The following CPNE4 variants were observed in gnomAD, a reference collection of about 807,000 sequenced individuals.
CPNE4 encodes the protein copine 4.
A neutral mutation model predicts 67.9 loss-of-function variants in CPNE4; 25 were observed. The observed-to-expected ratio is 0.37, with a 90% CI of 0.27 to 0.51. The LOEUF (loss-of-function observed/expected upper bound fraction) is 0.51, where lower values mean the gene tolerates loss of function less well. Among genes scored for constraint, CPNE4 ranks in the 20% least tolerant of loss-of-function variants. The pLI, the probability that CPNE4 is intolerant of heterozygous loss-of-function variation, is 0.93. For synonymous variants in CPNE4, 242 were observed against 244.9 expected (o/e 0.99, Z 0.11); for missense variants, 464 against 690.8 (o/e 0.67, Z 3.68).
At chr3:131,739,252 C>A (rs1445764307) in intron 2 of CPNE4, among the ~76,000 whole-genome samples, 1 of 152,108 alleles carries the variant, frequency 6.6e-6, no homozygotes, top group Non-Finnish European at 1.5e-5. Flanking sequence ...CACACTGGGC[C>A]ATTCCCCTGC....
intron 7 of CPNE4, among the ~76,000 whole-genome samples, chr3:131,642,477 T>C (rs79636077): frequency 0.018 from 2,667 of 152,330 alleles, 52 homozygotes; most frequent in East Asian, 0.062. Flanking sequence ...GGTAAAATAA[T>C]AGACTTAAAA....
intron 2 of CPNE4, among the ~76,000 whole-genome samples, chr3:131,736,453 C>T (rs1438166934): frequency 3.3e-5 from 5 of 151,524 alleles, no homozygotes; most frequent in Admixed American, 2.6e-4. Flanking sequence ...AACCTCGTCT[C>T]TACTAAAAAT....
At chr3:131,880,185 GGCT>G (rs2087618306) in intron 2 of CPNE4, among the ~76,000 whole-genome samples, 1 of 148,276 alleles carries the variant, frequency 6.7e-6, no homozygotes, top group Non-Finnish European at 1.5e-5. Flanking sequence ...GCAGTGCAGT[GGCT>G]CACTGCAAGC....
At chr3:131,661,805 A>G (rs1296300121) in intron 7 of CPNE4, among the ~76,000 whole-genome samples, 2 of 152,104 alleles carry the variant, frequency 1.3e-5, no homozygotes, top group African/African-American at 4.8e-5. Context: ...GGACGGTGAA[A>G]TTGCTTTCAG....
At chr3:131,558,324 T>G (rs1286762070) in intron 11 of CPNE4, among the ~76,000 whole-genome samples, 2 of 152,000 alleles carry the variant, frequency 1.3e-5, no homozygotes, top group Non-Finnish European at 2.9e-5. Context: ...ATGCAAGAAG[T>G]AAAAGAAAGC....
At chr3:131,727,250 G>A (rs564907829) in intron 2 of CPNE4, among the ~76,000 whole-genome samples, 1 of 152,234 alleles carries the variant, frequency 6.6e-6, no homozygotes, top group Admixed American at 6.5e-5. Flanking sequence ...ATGGTGTGAT[G>A]GTGAGAGACT....
intron 5 of CPNE4, among the ~76,000 whole-genome samples, chr3:131,695,027 T>C (rs761837950): frequency 4.6e-5 from 7 of 152,210 alleles, no homozygotes; most frequent in Non-Finnish European, 8.8e-5. Flanking sequence ...TCATCATACC[T>C]TGCTGAGCCC....
chr3:131,961,219 A>G lies in CPNE4; in HGVS notation c.-1-55775T>C, dbSNP rs369583659. ...TTATTTAGAGTAACTCCCTCATAGA[A>G]TGAGTTTTTTTCCTTAAGAAATCAT... On this transcript the variant is annotated intron_variant, in intron 1 of 15. Coordinates refer to ENST00000429747, the MANE Select transcript of CPNE4 (RefSeq NM_130808.3). 1.2e-4 allele frequency among the ~76,000 whole-genome samples: 18 copies of G among 151,958 alleles called. No individual in the cohort carries two copies. The East Asian group carries it at 2.7e-3, about 23-fold the overall frequency.
chr3:131,839,325 A>G (rs1229141742), intron 2 of CPNE4, among the ~76,000 whole-genome samples: 6 of 151,922 alleles, frequency 3.9e-5, no homozygotes, highest in Non-Finnish European at 7.4e-5. Context: ...GGTAATCTAT[A>G]AAGATAATAT....
rs147016419 is a variant in CPNE4, at chr3:131,813,972, A to G, written c.181-90347T>C. Reference sequence around the variant, plus strand: ...TGTTACCTCTTCTGGACTGATTTCTATCTGACTGACACACGGCAAGGGTCT... The same window carrying G: ...TGTTACCTCTTCTGGACTGATTTCTGTCTGACTGACACACGGCAAGGGTCT... On this transcript the variant is annotated intron_variant, in intron 2 of 15. Transcript: ENST00000429747. Among the ~76,000 whole-genome samples the G allele has an allele frequency of 3.6e-3, 555 of 152,314 alleles. 5 individuals are homozygous for G. Among genetic ancestry groups the G allele is most frequent in the African/African-American group, 0.013 (520 of 41,566 alleles).
At chr3:131,618,405 T>C (rs780905156) in intron 7 of CPNE4, among the ~76,000 whole-genome samples, 19 of 152,176 alleles carry the variant, frequency 1.2e-4, no homozygotes, top group Admixed American at 3.3e-4. Flanking sequence ...GGGGAGAATA[T>C]TACAAATCTA....
intron 7 of CPNE4, among the ~76,000 whole-genome samples, chr3:131,613,961 T>C (rs369410376): frequency 1.3e-5 from 2 of 152,130 alleles, no homozygotes; most frequent in Admixed American, 6.5e-5. Flanking sequence ...TAAACTTAAT[T>C]AAGAGTTTGG....
At chr3:131,850,816 T>C (rs1403601019) in intron 2 of CPNE4, among the ~76,000 whole-genome samples, 1 of 151,984 alleles carries the variant, frequency 6.6e-6, no homozygotes, top group Non-Finnish European at 1.5e-5. Context: ...TTTTGTAGAG[T>C]GGTTAACCAG....
chr3:131,566,307 A>G (rs1937054726), intron 10 of CPNE4, among the ~76,000 whole-genome samples: 1 of 151,870 alleles, frequency 6.6e-6, no homozygotes, highest in South Asian at 2.1e-4. Context: ...GTGTGTATGT[A>G]TGTTTGCACA....
At chr3:131,784,862 A>G (rs73220502) in intron 2 of CPNE4, among the ~76,000 whole-genome samples, 8,046 of 152,208 alleles carry the variant, frequency 0.053, 306 homozygotes, top group South Asian at 0.13. Context: ...AAGTTAATTA[A>G]AAAATGGAAT....
At chr3:131,826,045 A>T (rs1023871687) in intron 2 of CPNE4, among the ~76,000 whole-genome samples, 8 of 152,210 alleles carry the variant, frequency 5.3e-5, no homozygotes, top group Non-Finnish European at 1.0e-4. Flanking sequence ...CTTTAAGCTA[A>T]CATTCTTTCC....
Position 131,574,586 on chromosome 3 carries a change from C to G in CPNE4, c.927+485G>C, listed in dbSNP as rs1392722065. On this transcript the variant is annotated intron_variant, in intron 10 of 15. Transcript: ENST00000429747. ...TGGTTCTCCAATCTTTGGAATTCAT[C>G]TTTTCATTGCCTAATGAACTGTTTG... Among the ~76,000 whole-genome samples, 3 of 152,142 alleles carry G rather than the reference C, an allele frequency of 2.0e-5. No individual in the cohort carries two copies. The East Asian group carries it at 5.8e-4, about 29-fold the overall frequency.
At chr3:131,704,863 A>G (rs1427008650) in intron 3 of CPNE4, among the ~76,000 whole-genome samples, 1 of 150,790 alleles carries the variant, frequency 6.6e-6, no homozygotes, top group East Asian at 2.0e-4. Context: ...TGTGTATCCC[A>G]TATTGAAGCT....
At chr3:131,556,793 A>G (rs777147321) in intron 11 of CPNE4, among the ~76,000 whole-genome samples, 1 of 152,144 alleles carries the variant, frequency 6.6e-6, no homozygotes, top group African/African-American at 2.4e-5. Flanking sequence ...ATTCACATAT[A>G]TTGGATCTTA....
Sources: gnomAD v4.1 joint callset for allele counts (sites outside exome capture counted in the v4.1 genomes callset) on GRCh38, gnomAD v4.1.1 for gene constraint, MANE v1.5 for transcripts, NCBI Gene and HGNC (gene_info 2026-07-23, HGNC 2026-07-21) for gene names.